Variants in FLI1 observed in about 807,000 individuals in gnomAD.
FLI1 encodes Fli-1 proto-oncogene, ETS transcription factor.
A neutral mutation model predicts 53.1 loss-of-function variants in FLI1; 13 were observed. That is an observed-to-expected ratio of 0.24 (90% CI 0.16 to 0.39). The LOEUF (loss-of-function observed/expected upper bound fraction) is 0.39. FLI1 is among the 10% of genes least tolerant of loss of function. The probability of loss-of-function intolerance (pLI) is 1.00; values close to 1 mark genes in which losing one functional copy is unlikely to be tolerated. For synonymous variants in FLI1, 244 were observed against 236.7 expected, an observed-to-expected ratio of 1.03 and a Z score of -0.28; for missense variants, 424 against 600.5, an observed-to-expected ratio of 0.71 and a Z score of 3.07.
At chr11:128,712,048 A>T (rs1382424629) in intron 1 of FLI1, among the ~76,000 whole-genome samples, 1 of 152,134 alleles carries the variant, frequency 6.6e-6, no homozygotes, top group Non-Finnish European at 1.5e-5. Context: ...TCCAAATCTC[A>T]TGTTGAAGTA....
intron 7 of FLI1, among the ~76,000 whole-genome samples, chr11:128,807,531 C>A (rs982678199): frequency 6.6e-6 from 1 of 152,154 alleles, no homozygotes; most frequent in Admixed American, 6.5e-5. Context: ...TTGCTAAAAA[C>A]CATACAGCTG....
chr11:128,694,314 G>C (rs775206695), intron 1 of FLI1, 38 bp downstream of exon 1: 3 of 1,314,810 alleles, frequency 2.3e-6, no homozygotes, highest in Non-Finnish European at 2.9e-6. Context: ...GGCGGGGACC[G>C]GCCGGGGAGG....
chr11:128,732,190 T>C (rs1591761972), intron 1 of FLI1, among the ~76,000 whole-genome samples: 1 of 152,188 alleles, frequency 6.6e-6, no homozygotes, highest in East Asian at 1.9e-4. Flanking sequence ...AAAAATTCAC[T>C]GGTTCCCTTC....
At chr11:128,743,508 G>T (rs1367133557) in intron 1 of FLI1, among the ~76,000 whole-genome samples, 6 of 151,872 alleles carry the variant, frequency 4.0e-5, no homozygotes, top group Non-Finnish European at 8.8e-5. Flanking sequence ...AGAAATTTTT[G>T]AGGCGGTTTG....
At chr11:128,728,173 C>T (rs962450531) in intron 1 of FLI1, among the ~76,000 whole-genome samples, 28 of 152,368 alleles carry the variant, frequency 1.8e-4, no homozygotes, top group African/African-American at 6.3e-4. Flanking sequence ...CGGGGGCTAA[C>T]GCTGTCTCCA....
chr11:128,790,183 A>G (rs1237283640), intron 5 of FLI1, among the ~76,000 whole-genome samples: 5 of 151,486 alleles, frequency 3.3e-5, no homozygotes, highest in African/African-American at 1.2e-4. Flanking sequence ...TTTTTTAAAA[A>G]CTGTTTTCCT....
In FLI1 at chr11:128,758,244, C is replaced by G. The variant is rs371445653; in HGVS notation, c.148C>G (p.Pro50Ala). Residue 50 changes from proline to alanine, a missense_variant, in exon 2 of 9, where the codon CCC becomes GCC. Pro to Ala is a conservative substitution (Grantham distance 27, BLOSUM62 -1). Around this residue, in one of 5 missense-constraint regions of FLI1, gnomAD observed 137 missense variants for 169.1 expected, o/e 0.81. Transcript: ENST00000527786. ...CTACGGGCAGCCCCACAAGATCAAC[C>G]CCCTCCCACCACAGCAGGAGTGGAT... ...PDYGQPHKIN[P>A]LPPQQEWINQ... The G allele has an allele frequency of 1.2e-6, 2 of 1,613,422 alleles. No individual in the cohort carries two copies. The highest frequency in any genetic ancestry group is 1.7e-6 in the Non-Finnish European group (2 of 1,179,722).
At chr11:128,714,468 T>C (rs945638598) in intron 1 of FLI1, among the ~76,000 whole-genome samples, 9 of 152,216 alleles carry the variant, frequency 5.9e-5, no homozygotes, top group African/African-American at 2.2e-4. Context: ...TGTCTATATC[T>C]GGTGTTTGTT....
At chr11:128,708,996 A>T (rs182004790) in intron 1 of FLI1, among the ~76,000 whole-genome samples, 6 of 152,346 alleles carry the variant, frequency 3.9e-5, no homozygotes, top group Non-Finnish European at 7.3e-5. Context: ...GAAGGCTGGC[A>T]GTAAACCTCT....
At chr11:128,734,615 C>T (rs1355946354) in intron 1 of FLI1, among the ~76,000 whole-genome samples, 1 of 152,154 alleles carries the variant, frequency 6.6e-6, no homozygotes, top group African/African-American at 2.4e-5. Flanking sequence ...CCCTGGCTGG[C>T]GGTCACTTGC....
intron 7 of FLI1, among the ~76,000 whole-genome samples, chr11:128,808,725 AT>A (rs35474388): frequency 0.3 from 45,386 of 151,008 alleles, 8,003 homozygotes; most frequent in East Asian, 0.41. Context: ...TTCATGCTAC[AT>A]TTAAAAAAAA....
chr11:128,783,494 C>G (rs1489523979), intron 5 of FLI1, among the ~76,000 whole-genome samples: 1 of 152,176 alleles, frequency 6.6e-6, no homozygotes, highest in African/African-American at 2.4e-5. Context: ...TTTTCCTTTC[C>G]AAATCAGATT....
At chr11:128,777,878 G>T (rs984191680) in intron 4 of FLI1, among the ~76,000 whole-genome samples, 34 of 152,368 alleles carry the variant, frequency 2.2e-4, no homozygotes, top group African/African-American at 8.2e-4. Context: ...AAGCAGGTTA[G>T]GTTGAGGGAA....
chr11:128,752,265 C>A (rs1320499134), intron 1 of FLI1, among the ~76,000 whole-genome samples: 2 of 152,214 alleles, frequency 1.3e-5, no homozygotes, highest in African/African-American at 4.8e-5. Flanking sequence ...CATGAGCCAC[C>A]ATGCCTGGCC....
chr11:128,799,046 A>AT (rs759935387), intron 5 of FLI1, among the ~76,000 whole-genome samples: 5 of 135,806 alleles, frequency 3.7e-5, no homozygotes, highest in African/African-American at 1.4e-4. Context: ...TATTATTATT[A>AT]TTATTATTTT....
chr11:128,705,423 C>T (rs1938506604), intron 1 of FLI1, among the ~76,000 whole-genome samples: 1 of 152,212 alleles, frequency 6.6e-6, no homozygotes, highest in Non-Finnish European at 1.5e-5. Context: ...CCTGCCAAGG[C>T]TTCCTCCTCT....
At chr11:128,806,928 A>G (rs1442118787) in intron 6 of FLI1, 1 of 362,334 alleles carries the variant, frequency 2.8e-6, no homozygotes, top group African/African-American at 2.1e-5. Flanking sequence ...GAATTTAAAA[A>G]TGTGTTTATT....
chr11:128,737,862 G>T (rs1939973070), intron 1 of FLI1, among the ~76,000 whole-genome samples: 1 of 152,212 alleles, frequency 6.6e-6, no homozygotes. Flanking sequence ...TCAAGGGCTT[G>T]CTTGGCTGTC....
chr11:128,731,981 G>A (rs926568623), intron 1 of FLI1, among the ~76,000 whole-genome samples: 2 of 149,894 alleles, frequency 1.3e-5, no homozygotes, highest in Admixed American at 1.3e-4. Flanking sequence ...CCAGGCTGGT[G>A]GACAGAGCGA....
Sources: gnomAD v4.1 joint callset for allele counts (sites outside exome capture counted in the v4.1 genomes callset) on GRCh38, gnomAD v4.1.1 for gene constraint, gnomAD v4.1.1 regional missense constraint, MANE v1.5 for transcripts, NCBI Gene and HGNC (gene_info 2026-07-23, HGNC 2026-07-21) for gene names.